The following EEFSEC variants were observed in gnomAD, a reference collection of about 807,000 sequenced individuals.
EEFSEC encodes the protein selenocysteine-specific elongation factor.
In EEFSEC, 43 loss-of-function variants were observed where a neutral mutation model predicts 42.1. The ratio of observed to expected loss-of-function variants is 1.02; its 90% confidence interval spans 0.80 to 1.32. The LOEUF is 1.32. Among genes scored for constraint, EEFSEC ranks in the 40% most tolerant of loss-of-function variants. EEFSEC has a pLI of 0.00. For synonymous variants in EEFSEC, 354 were observed against 339.1 expected (o/e 1.04, Z -0.48); for missense variants, 745 against 803.6 (o/e 0.93, Z 0.88).
At chr3:128,211,486 A>C (rs1006954977) in intron 1 of EEFSEC, among the ~76,000 whole-genome samples, 2 of 152,154 alleles carry the variant, frequency 1.3e-5, no homozygotes, top group Admixed American at 6.5e-5. Flanking sequence ...TACAACATGT[A>C]AAAATTTAGA....
At chr3:128,279,615 T>C (rs1005197366) in intron 4 of EEFSEC, among the ~76,000 whole-genome samples, 3 of 152,168 alleles carry the variant, frequency 2.0e-5, no homozygotes, top group Non-Finnish European at 4.4e-5. Context: ...CGTTTTCCCA[T>C]GAAGCAGGCA....
At chr3:128,362,407 G>A (rs1030702438) in intron 6 of EEFSEC, 7 of 382,956 alleles carry the variant, frequency 1.8e-5, no homozygotes, top group Non-Finnish European at 3.7e-5. Context: ...ACAGAAAAGG[G>A]CACACATGTG....
At chr3:128,385,587 G>A (rs932663504) in intron 6 of EEFSEC, among the ~76,000 whole-genome samples, 9 of 152,214 alleles carry the variant, frequency 5.9e-5, no homozygotes, top group African/African-American at 2.2e-4. Flanking sequence ...GTCCCGATGA[G>A]AACAACAGTG....
chr3:128,408,399 C>A lies in EEFSEC; in HGVS notation c.*140C>A. On this transcript the variant is annotated 3_prime_UTR_variant, in exon 7 of 7. Transcript: ENST00000254730. ...GCAGCCCCCACCCCCAAGCTTGGTG[C>A]TGAGCCCTGGTGAGGAGCTGAGGGG... 1.0e-6 allele frequency: 1 copy of A among 961,986 alleles called. No homozygotes were observed. The highest frequency in any genetic ancestry group is 1.5e-6 in the Non-Finnish European group (1 of 666,976). The allele number at this position is 961,986 out of a possible 1,614,324, so 59.6% of individuals were successfully genotyped here. A position where few individuals can be genotyped will look rare whatever the true frequency, so the allele number is the denominator to read the frequency against.
intron 4 of EEFSEC, among the ~76,000 whole-genome samples, chr3:128,292,559 G>A (rs1267537147): frequency 6.6e-6 from 1 of 151,522 alleles, no homozygotes; most frequent in Non-Finnish European, 1.5e-5. Context: ...TTTCTATAAG[G>A]AATTAGCCTA....
At chr3:128,164,991 A>G (rs918163015) in intron 1 of EEFSEC, among the ~76,000 whole-genome samples, 1 of 152,226 alleles carries the variant, frequency 6.6e-6, no homozygotes, top group African/African-American at 2.4e-5. Context: ...TCAGCAGGGA[A>G]AGTGGGGCTC....
chr3:128,196,567 T>G (rs1242534950), intron 1 of EEFSEC, among the ~76,000 whole-genome samples: 1 of 152,234 alleles, frequency 6.6e-6, no homozygotes, highest in African/African-American at 2.4e-5. Flanking sequence ...TTTTGGCTGC[T>G]TTTAAATTTA....
intron 4 of EEFSEC, among the ~76,000 whole-genome samples, chr3:128,337,730 C>T (rs1013858763): frequency 6.6e-6 from 1 of 152,154 alleles, no homozygotes; most frequent in Non-Finnish European, 1.5e-5. Flanking sequence ...GTCCTTGTCT[C>T]GGGATTTAGA....
chr3:128,387,440 A>C (rs1010786), intron 6 of EEFSEC, among the ~76,000 whole-genome samples: 1 of 152,170 alleles, frequency 6.6e-6, no homozygotes, highest in Non-Finnish European at 1.5e-5. Context: ...CCAGGCTCGC[A>C]AAAGTCGTGA....
chr3:128,225,800 C>G (rs1308078510), intron 1 of EEFSEC, among the ~76,000 whole-genome samples: 1 of 152,184 alleles, frequency 6.6e-6, no homozygotes, highest in African/African-American at 2.4e-5. Flanking sequence ...AGGACACCAG[C>G]TCTGAGCACC....
intron 4 of EEFSEC, among the ~76,000 whole-genome samples, chr3:128,304,149 A>T (rs2066801502): frequency 2.7e-5 from 4 of 145,708 alleles, no homozygotes; most frequent in African/African-American, 2.5e-5. Context: ...GTTTTTTCTG[A>T]GTGTCTGTAG....
chr3:128,207,638 T>C (rs2065713011), intron 1 of EEFSEC, among the ~76,000 whole-genome samples: 1 of 151,684 alleles, frequency 6.6e-6, no homozygotes, highest in Admixed American at 6.6e-5. Flanking sequence ...AAACTAGACC[T>C]TTCTTTTGAC....
At chr3:128,289,760 T>C (rs897102916) in intron 4 of EEFSEC, among the ~76,000 whole-genome samples, 8 of 152,216 alleles carry the variant, frequency 5.3e-5, no homozygotes, top group African/African-American at 1.9e-4. Flanking sequence ...CTTGCTGTCA[T>C]GTTTGAGGGT....
At chr3:128,396,955 T>G (rs2067988206) in intron 6 of EEFSEC, among the ~76,000 whole-genome samples, 1 of 152,210 alleles carries the variant, frequency 6.6e-6, no homozygotes, top group African/African-American at 2.4e-5. Flanking sequence ...CTGCTTTCAG[T>G]GCCAGTCTCC....
At chr3:128,214,239 GA>G (rs1248486500) in intron 1 of EEFSEC, among the ~76,000 whole-genome samples, 1 of 152,206 alleles carries the variant, frequency 6.6e-6, no homozygotes, top group African/African-American at 2.4e-5. Context: ...AAGAGAACGA[GA>G]ACATGCAGGA....
intron 4 of EEFSEC, among the ~76,000 whole-genome samples, chr3:128,270,969 G>A (rs1292983732): frequency 6.6e-6 from 1 of 152,166 alleles, no homozygotes; most frequent in Non-Finnish European, 1.5e-5. Flanking sequence ...TGTATTCTCG[G>A]CATCCATCCT....
At chr3:128,307,177 G>A (rs1438526965) in intron 4 of EEFSEC, among the ~76,000 whole-genome samples, 15 of 152,248 alleles carry the variant, frequency 9.9e-5, no homozygotes, top group Non-Finnish European at 2.9e-5. Context: ...CCCTCTCCAA[G>A]CTTTTCCCAA....
At chr3:128,329,386 G>T (rs1012234856) in intron 4 of EEFSEC, among the ~76,000 whole-genome samples, 1 of 151,842 alleles carries the variant, frequency 6.6e-6, no homozygotes, top group Non-Finnish European at 1.5e-5. Context: ...CTGTGCCAGG[G>T]ACGGAGATTA....
At chr3:128,171,906 A>G (rs2248668) in intron 1 of EEFSEC, among the ~76,000 whole-genome samples, 21,916 of 152,084 alleles carry the variant, frequency 0.14, 1,698 homozygotes, top group Admixed American at 0.2. Context: ...AAACACAATA[A>G]AGTATAGCAA....
Sources: gnomAD v4.1 joint callset for allele counts (sites outside exome capture counted in the v4.1 genomes callset) on GRCh38, gnomAD v4.1.1 for gene constraint, MANE v1.5 for transcripts, NCBI Gene and HGNC (gene_info 2026-07-23, HGNC 2026-07-21) for gene names.